DLG2: variants seen among roughly 807,000 people sequenced by gnomAD.
The protein encoded by DLG2 is disks large homolog 2.
DLG2 carries 45 observed loss-of-function variants against 132.5 expected under a neutral mutation model. The observed-to-expected ratio is 0.34, with a 90% CI of 0.27 to 0.44. The LOEUF (loss-of-function observed/expected upper bound fraction) is 0.44. DLG2 is among the 20% of genes least tolerant of loss of function. DLG2 has a pLI of 1.00. For missense variants in DLG2, 1,045 were observed against 1,196.9 expected, an observed-to-expected ratio of 0.87 and a Z score of 1.87; for synonymous variants, 424 against 419.6, an observed-to-expected ratio of 1.01 and a Z score of -0.13.
intron 15 of DLG2, among the ~76,000 whole-genome samples, chr11:83,910,441 C>T (rs1052340551): frequency 5.3e-5 from 8 of 152,080 alleles, no homozygotes; most frequent in African/African-American, 1.2e-4. Context: ...ATCAAATGAA[C>T]GGTCCTGGAA....
At chr11:84,021,305 A>T (rs73511941) in intron 11 of DLG2, among the ~76,000 whole-genome samples, 2,169 of 152,226 alleles carry the variant, frequency 0.014, 51 homozygotes, top group African/African-American at 0.047. Context: ...AACTGAACCT[A>T]ATCTGACAAC....
chr11:83,984,909 C>G (rs1395619404), intron 11 of DLG2, among the ~76,000 whole-genome samples: 1 of 152,138 alleles, frequency 6.6e-6, no homozygotes, highest in Non-Finnish European at 1.5e-5. Flanking sequence ...TATTGCACTA[C>G]TGAACACTAG....
At chr11:84,970,608 C>T (rs1363595004) in intron 6 of DLG2, among the ~76,000 whole-genome samples, 1 of 152,058 alleles carries the variant, frequency 6.6e-6, no homozygotes, top group South Asian at 2.1e-4. Flanking sequence ...GGTGAAACAC[C>T]CCTCAAAGCC....
At chr11:84,930,402 G>A (rs2047948715) in intron 6 of DLG2, among the ~76,000 whole-genome samples, 1 of 152,084 alleles carries the variant, frequency 6.6e-6, no homozygotes, top group Non-Finnish European at 1.5e-5. Flanking sequence ...TGACAGATTG[G>A]TGAGCAGCTG....
intron 3 of DLG2, among the ~76,000 whole-genome samples, chr11:85,505,132 G>A (rs191222852): frequency 6.6e-6 from 1 of 152,238 alleles, no homozygotes; most frequent in African/African-American, 2.4e-5. Flanking sequence ...TGAGACAATG[G>A]GGTTTTCTAA....
chr11:83,603,943 A>G (rs2153383929), intron 19 of DLG2, among the ~76,000 whole-genome samples: 1 of 152,192 alleles, frequency 6.6e-6, no homozygotes, highest in East Asian at 1.9e-4. Context: ...GTCACATTTC[A>G]CCTCAGAAAA....
At chr11:84,289,474 G>A (rs921749555) in intron 7 of DLG2, among the ~76,000 whole-genome samples, 1 of 151,992 alleles carries the variant, frequency 6.6e-6, no homozygotes, top group African/African-American at 2.4e-5. Context: ...GAGAAAAATG[G>A]CCTCTGCATC....
intron 6 of DLG2, among the ~76,000 whole-genome samples, chr11:84,776,198 A>T (rs1170250012): frequency 6.6e-6 from 1 of 152,058 alleles, no homozygotes; most frequent in Non-Finnish European, 1.5e-5. Flanking sequence ...TCTGTTTCCT[A>T]GGCTGGAGTG....
At chr11:83,690,618 A>G (rs1218366735) in intron 18 of DLG2, among the ~76,000 whole-genome samples, 1 of 144,374 alleles carries the variant, frequency 6.9e-6, no homozygotes, top group Non-Finnish European at 1.5e-5. Context: ...GCTCTTTACA[A>G]TAATCTGGAC....
At chr11:83,573,862 C>T (rs1194491141) in intron 19 of DLG2, among the ~76,000 whole-genome samples, 1 of 152,028 alleles carries the variant, frequency 6.6e-6, no homozygotes, top group Non-Finnish European at 1.5e-5. Flanking sequence ...AACAGTGCTT[C>T]GAGGCAGTAT....
At chr11:84,326,149 G>T (rs1368559061) in intron 7 of DLG2, among the ~76,000 whole-genome samples, 1 of 151,636 alleles carries the variant, frequency 6.6e-6, no homozygotes, top group East Asian at 1.9e-4. Flanking sequence ...GGTTAATCTA[G>T]CTAAAGCTTT....
chr11:83,668,867 A>ATATATT lies in DLG2; in HGVS notation c.1826-35543_1826-35542insAATATA, dbSNP rs768513119. ...CACACACACATATATATATATATAT[A>ATATATT]TTTTTTTTTTATGATAGACTATGAG... On this transcript the variant is annotated intron_variant, in intron 18 of 27. Transcript: ENST00000376104. Among the ~76,000 whole-genome samples, 6 of 110,386 alleles carry ATATATT rather than the reference A, an allele frequency of 5.4e-5. 1 individual carries two copies. Among genetic ancestry groups the ATATATT allele is most frequent in the South Asian group, 6.1e-4 (2 of 3,258 alleles). The allele number at this position is 110,386 out of a possible 152,430, so 72.4% of individuals were successfully genotyped here. A position where few individuals can be genotyped will look rare whatever the true frequency, so the allele number is the denominator to read the frequency against.
chr11:85,516,632 A>T (rs996176544), intron 3 of DLG2, among the ~76,000 whole-genome samples: 1 of 152,076 alleles, frequency 6.6e-6, no homozygotes, highest in African/African-American at 2.4e-5. Context: ...ATAATCAGAA[A>T]CTACTATGAA....
chr11:83,672,319 G>A (rs1266516746), intron 18 of DLG2, among the ~76,000 whole-genome samples: 4 of 152,016 alleles, frequency 2.6e-5, no homozygotes, highest in African/African-American at 7.2e-5. Context: ...CAAGTGGTTG[G>A]GACTACAGGC....
At chr11:84,269,890 G>T (rs969290233) in intron 7 of DLG2, among the ~76,000 whole-genome samples, 8 of 152,100 alleles carry the variant, frequency 5.3e-5, no homozygotes, top group Non-Finnish European at 8.8e-5. Context: ...GCACCATTTG[G>T]TAATACTATC....
chr11:83,930,568 C>A (rs1251267855), intron 14 of DLG2, 85 bp from the exon 15 acceptor site: 9 of 1,351,462 alleles, frequency 6.7e-6, no homozygotes, highest in Non-Finnish European at 9.1e-6. Context: ...TCAGCATGTG[C>A]AAAAGTAAAA....
chr11:85,510,973 A>G (rs572751145), intron 3 of DLG2, among the ~76,000 whole-genome samples: 1 of 152,286 alleles, frequency 6.6e-6, no homozygotes, highest in African/African-American at 2.4e-5. Context: ...GAACCAACCC[A>G]AGTGTCCATC....
chr11:84,360,779 T>C (rs1469576165), intron 7 of DLG2, among the ~76,000 whole-genome samples: 1 of 151,668 alleles, frequency 6.6e-6, no homozygotes, highest in Non-Finnish European at 1.5e-5. Flanking sequence ...TCACCCATAA[T>C]TAGGAAAAAA....
intron 3 of DLG2, among the ~76,000 whole-genome samples, chr11:85,299,931 G>A (rs751609114): frequency 6.2e-4 from 94 of 152,190 alleles, no homozygotes; most frequent in Non-Finnish European, 9.3e-4. Context: ...TATCTTCTTT[G>A]CTATAATATG....
Sources: allele counts gnomAD v4.1 joint callset (sites outside exome capture counted in the v4.1 genomes callset), GRCh38; gene constraint gnomAD v4.1.1; transcripts MANE v1.5; gene names NCBI Gene and HGNC (gene_info 2026-07-23, HGNC 2026-07-21).